Variants in ETFDH observed in about 807,000 individuals in gnomAD.
The protein encoded by ETFDH is electron transfer flavoprotein-ubiquinone oxidoreductase, mitochondrial.
Under a neutral mutation model 73.2 loss-of-function variants are expected in ETFDH, and 61 were observed. The observed-to-expected ratio is 0.83, with a 90% CI of 0.68 to 1.03. The LOEUF is 1.03. ETFDH is among the 50% of genes least tolerant of loss of function. The pLI is 0.00. For missense variants in ETFDH, 685 were observed against 745.0 expected (o/e 0.92, Z 0.94); for synonymous variants, 243 against 253.3 (o/e 0.96, Z 0.39).
At chr4:158,682,003 G>C (rs953372313) in intron 2 of ETFDH, 192 bp from the exon 3 acceptor site, 12 of 655,262 alleles carry the variant, frequency 1.8e-5, no homozygotes, top group Non-Finnish European at 3.0e-5. Context: ...CTGAAATAAA[G>C]TATGTACTGG....
At chr4:158,696,086 C>T (rs1160974208) in intron 7 of ETFDH, among the ~76,000 whole-genome samples, 1 of 152,094 alleles carries the variant, frequency 6.6e-6, no homozygotes, top group African/African-American at 2.4e-5. Context: ...TAATCTGCAA[C>T]CTAAAATTTA....
chr4:158,695,169 G>A lies in ETFDH; in HGVS notation c.685-328G>A, dbSNP rs532816922. On this transcript the variant is annotated intron_variant, in intron 6 of 12. Coordinates refer to ENST00000511912, the MANE Select transcript of ETFDH (RefSeq NM_004453.4). ...CTTATAACATTGTTTATGTTCATGCGTAAGCTGGAAACAGTGAATGGCTAT... is the reference window on the plus strand; with the variant it reads ...CTTATAACATTGTTTATGTTCATGCATAAGCTGGAAACAGTGAATGGCTAT... Among the ~76,000 whole-genome samples, 10 of 152,192 alleles carry A rather than the reference G, an allele frequency of 6.6e-5. No homozygotes were observed. In the East Asian group the frequency reaches 1.2e-3, roughly 18 times the overall value.
intron 1 of ETFDH, among the ~76,000 whole-genome samples, chr4:158,674,170 A>G (rs1322556577): frequency 6.6e-6 from 1 of 152,190 alleles, no homozygotes; most frequent in Non-Finnish European, 1.5e-5. Flanking sequence ...TATTTTAAAT[A>G]TTCGTTATAG....
intron 1 of ETFDH, among the ~76,000 whole-genome samples, chr4:158,677,104 G>A (rs1441016856): frequency 6.6e-6 from 1 of 152,060 alleles, no homozygotes; most frequent in Non-Finnish European, 1.5e-5. Flanking sequence ...TGTGTTTTTG[G>A]TTGTTCTATC....
chr4:158,706,599 T>G (rs780864759), intron 11 of ETFDH, 30 bp from the exon 12 acceptor site: 5 of 1,554,066 alleles, frequency 3.2e-6, no homozygotes, highest in Non-Finnish European at 4.4e-6. Context: ...AATCATATTT[T>G]GTTAAGCATT....
intron 12 of ETFDH, 103 bp downstream of exon 12, chr4:158,706,953 A>T (rs1343918400): frequency 1.3e-6 from 1 of 772,304 alleles, no homozygotes; most frequent in Non-Finnish European, 2.2e-6. Flanking sequence ...ATTCCTTAGA[A>T]ATTGTAAATG....
chr4:158,698,911 T>C, intron 8 of ETFDH, 76 bp from the exon 9 acceptor site: 1 of 1,074,946 alleles, frequency 9.3e-7, no homozygotes, highest in East Asian at 2.5e-5. Flanking sequence ...TGTTTTCTGA[T>C]AAACATTGCT....
In ETFDH at chr4:158,706,336, T is replaced by A. The variant is rs2126315337; in HGVS notation, c.1433T>A (p.Leu478Ter). 1 of 1,613,578 alleles carries A rather than the reference T, an allele frequency of 6.2e-7. No homozygotes were observed. The highest frequency in any genetic ancestry group is 8.5e-7 in the Non-Finnish European group (1 of 1,179,560). Residue 478 changes from leucine to a stop codon, truncating the protein, a stop_gained, in exon 11 of 13, where the codon TTG becomes TAG. Coordinates refer to ENST00000511912, the MANE Select transcript of ETFDH (RefSeq NM_004453.4). LOFTEE classifies it high-confidence loss of function. ...TACACTGGAATCTTTTACTGGATAT[T>A]GAGAGGAATGGAGCCGTGGACTCTG... ...MIYTGIFYWI[L>*]RGMEPWTLKH...
At chr4:158,704,029 G>C (rs1774539142) in intron 10 of ETFDH, among the ~76,000 whole-genome samples, 2 of 152,332 alleles carry the variant, frequency 1.3e-5, no homozygotes, top group South Asian at 4.1e-4. Context: ...AACCTGGGAG[G>C]TGGAGGTTGC....
At position 158,695,525 on chromosome 4, in the gene ETFDH, A is replaced by G; in HGVS notation, c.713A>G (p.His238Arg). The G allele has an allele frequency of 1.2e-6, 2 of 1,613,516 alleles. No individual in the cohort carries two copies. The highest frequency in any genetic ancestry group is 1.7e-6 in the Non-Finnish European group (2 of 1,179,542). The change falls in exon 7 of 13, where the codon CAT becomes CGT. Residue 238 changes from histidine (H) to arginine (R), a missense_variant. Physicochemically the swap from His to Arg is conservative, Grantham distance 29 (BLOSUM62 0). This residue lies in a region of ETFDH where 405 missense variants were observed against 399.3 expected (regional missense o/e 1.01). Transcript: ENST00000511912. Reference protein sequence around the residue: ...KATFERGLELHAKVTIFAEGC... With the variant: ...KATFERGLELRAKVTIFAEGC... Reference sequence around the variant, plus strand: ...ACATTTGAGAGAGGACTGGAACTACATGCTAAAGTCACAATTTTTGCAGAA... The same window carrying G: ...ACATTTGAGAGAGGACTGGAACTACGTGCTAAAGTCACAATTTTTGCAGAA...
rs190920235 is a variant in ETFDH, at chr4:158,685,054, T to C, written c.488-47T>C. On this transcript the variant is annotated intron_variant, in intron 4 of 12. Coordinates refer to ENST00000511912, the MANE Select transcript of ETFDH (RefSeq NM_004453.4). ...TTAAAGTATTTATGTTTTTGTAATG[T>C]CTTATCAATAAAAAGTCAGATTTAT... The C allele has an allele frequency of 3.7e-3, 3,978 of 1,082,678 alleles. 15 individuals carry two copies. The highest frequency in any genetic ancestry group is 4.4e-3 in the Non-Finnish European group (3,098 of 700,490). The allele number at this position is 1,082,678 out of a possible 1,614,324, so 67.1% of individuals were successfully genotyped here.
chr4:158,701,783 G>A (rs770277061), intron 9 of ETFDH, among the ~76,000 whole-genome samples: 3 of 152,166 alleles, frequency 2.0e-5, no homozygotes, highest in Non-Finnish European at 2.9e-5. Context: ...AAAGAACAAC[G>A]CTGCTTGGCT....
intron 1 of ETFDH, chr4:158,679,758 T>C (rs1412035290): frequency 2.6e-5 from 4 of 152,064 alleles, no homozygotes; most frequent in Non-Finnish European, 5.9e-5. Context: ...CTCAAAAATG[T>C]ATACATTTTT....
intron 9 of ETFDH, among the ~76,000 whole-genome samples, chr4:158,701,796 C>T (rs939755943): frequency 6.6e-6 from 1 of 152,212 alleles, no homozygotes; most frequent in Non-Finnish European, 1.5e-5. Context: ...GCTTGGCTCT[C>T]TTCTTTTCAA....
chr4:158,685,133 G>T lies in ETFDH; in HGVS notation c.520G>T (p.Val174Leu), dbSNP rs375376930. 2 of 1,610,956 alleles carry T rather than the reference G, an allele frequency of 1.2e-6. No homozygotes were observed. Among genetic ancestry groups the T allele is most frequent in the African/African-American group, 1.3e-5 (1 of 74,810 alleles). ...AATGAATAATCATGGCAATTACATTGTACGCTTGGGACATTTAGTGAGCTG... is the reference window on the plus strand; with the variant it reads ...AATGAATAATCATGGCAATTACATTTTACGCTTGGGACATTTAGTGAGCTG... ...LPMNNHGNYI[V>L]RLGHLVSWMG... The change falls in exon 5 of 13, where the codon GTA becomes TTA. Residue 174 changes from valine to leucine, a missense_variant. Coordinates refer to ENST00000511912, the MANE Select transcript of ETFDH (RefSeq NM_004453.4).
chr4:158,709,562 G>T lies in ETFDH; in HGVS notation c.*1035G>T. 1 of 498,998 alleles carries T rather than the reference G, an allele frequency of 2.0e-6. No homozygotes were observed. Among genetic ancestry groups the T allele is most frequent in the Non-Finnish European group, 3.5e-6 (1 of 285,990 alleles). The allele number at this position is 498,998 out of a possible 1,614,324, so 30.9% of individuals were successfully genotyped here. ...AACAAACAAAACCACTTTACTTACT[G>T]TATTGTGACATGTTTATTAAGCATG... On this transcript the variant is annotated 3_prime_UTR_variant, in exon 13 of 13. Transcript: ENST00000511912.
At chr4:158,672,549 G>A in intron 1 of ETFDH, 59 bp downstream of exon 1, 2 of 1,536,610 alleles carry the variant, frequency 1.3e-6, no homozygotes, top group South Asian at 1.1e-5. Flanking sequence ...GGACAAGGCC[G>A]GTCCTGGGGG....
At chr4:158,696,474 C>G (rs1286983377) in intron 7 of ETFDH, among the ~76,000 whole-genome samples, 1 of 151,920 alleles carries the variant, frequency 6.6e-6, no homozygotes, top group Non-Finnish European at 1.5e-5. Flanking sequence ...CCACTGCACC[C>G]TACCCTGGGT....
intron 5 of ETFDH, 61 bp downstream of exon 5, chr4:158,685,280 G>C (rs1034365851): frequency 4.6e-6 from 4 of 878,502 alleles, no homozygotes; most frequent in Middle Eastern, 2.2e-4. Flanking sequence ...AATAAGTGGA[G>C]AATTTTATAA....
Sources: gnomAD v4.1 joint callset for allele counts (sites outside exome capture counted in the v4.1 genomes callset) on GRCh38, gnomAD v4.1.1 for gene constraint, gnomAD v4.1.1 regional missense constraint, MANE v1.5 for transcripts, NCBI Gene and HGNC (gene_info 2026-07-23, HGNC 2026-07-21) for gene names.